The following SLC12A1 variants were observed in gnomAD, a reference collection of about 807,000 sequenced individuals.
The protein encoded by SLC12A1 is solute carrier family 12 member 1.
In SLC12A1, 89 loss-of-function variants were observed where a neutral mutation model predicts 130.4. The observed-to-expected ratio is 0.68, with a 90% confidence interval of 0.58 to 0.81. The LOEUF is 0.81. Among genes scored for constraint, SLC12A1 ranks in the 40% least tolerant of loss-of-function variants. The pLI is 0.00. For missense variants in SLC12A1, 1,310 were observed against 1,336.4 expected, an observed-to-expected ratio of 0.98 and a Z score of 0.31; for synonymous variants, 499 against 460.0, an observed-to-expected ratio of 1.08 and a Z score of -1.09.
At chr15:48,292,672 G>C (rs1391874392) in intron 24 of SLC12A1, among the ~76,000 whole-genome samples, 2 of 152,090 alleles carry the variant, frequency 1.3e-5, no homozygotes. Context: ...CCCTCTTCCT[G>C]GTATGTAGAT....
intron 17 of SLC12A1, among the ~76,000 whole-genome samples, chr15:48,260,351 C>CACAG (rs1227703837): frequency 1.4e-5 from 1 of 74,020 alleles, no homozygotes; most frequent in Non-Finnish European, 2.3e-5. Context: ...CTCTCTATCA[C>CACAG]ACACACACAC....
Position 48,303,421 on chromosome 15 carries a change from T to C in SLC12A1, c.*536T>C, listed in dbSNP as rs528402339. 6.6e-5 allele frequency: 10 copies of C among 152,302 alleles called. No homozygotes were observed. The highest frequency in any genetic ancestry group is 2.4e-4 in the African/African-American group (10 of 41,552). The allele number at this position is 152,302 out of a possible 1,614,324, so 9.4% of individuals were successfully genotyped here. On this transcript the variant is annotated 3_prime_UTR_variant, in exon 27 of 27. Transcript: ENST00000380993. ...CCTCCAAAGCAGATTTAAAAATCAG[T>C]AACTCAAAACTTTAAGAAGTAGTTG... is the stretch of plus-strand genomic sequence containing the variant.
Position 48,246,978 on chromosome 15 carries a change from G to A in SLC12A1, c.1522G>A (p.Ala508Thr), listed in dbSNP as rs765347751. The stretch of plus-strand genomic sequence containing the variant: ...AATCTTTTCTGCAACACTCTCCTCC[G>A]CCCTGGCCTCCCTTGTCAGCGCACC... ...AGIFSATLSS[A>T]LASLVSAPKV... is the part of the protein sequence containing the mutation. The change falls in exon 12 of 27, where the codon GCC becomes ACC. Residue 508 changes from alanine (A) to threonine (T), a missense_variant. Coordinates refer to ENST00000380993, the MANE Select transcript of SLC12A1 (RefSeq NM_000338.3). 2.2e-5 allele frequency: 35 copies of A among 1,613,732 alleles called. No individual in the cohort carries two copies. The highest frequency in any genetic ancestry group is 2.9e-5 in the Non-Finnish European group (34 of 1,179,840).
chr15:48,225,981 A>T, intron 4 of SLC12A1: 1 of 699,592 alleles, frequency 1.4e-6, no homozygotes. Context: ...CATCATTTGT[A>T]AGGTAAAGGC....
At chr15:48,238,575 G>A (rs1051138947) in intron 9 of SLC12A1, among the ~76,000 whole-genome samples, 2 of 152,186 alleles carry the variant, frequency 1.3e-5, no homozygotes, top group Admixed American at 1.3e-4. Context: ...GTGGTCACAA[G>A]CCGGAGGGGC....
chr15:48,268,314 C>T (rs1031715462), intron 18 of SLC12A1, among the ~76,000 whole-genome samples: 1 of 151,926 alleles, frequency 6.6e-6, no homozygotes, highest in African/African-American at 2.4e-5. Flanking sequence ...TTTCCTAGTT[C>T]TGATCGTCAT....
chr15:48,301,363 G>C lies in SLC12A1; in HGVS notation c.3145G>C (p.Ala1049Pro). 1 of 1,594,636 alleles carries C rather than the reference G, an allele frequency of 6.3e-7. No individual in the cohort carries two copies. The highest frequency in any genetic ancestry group is 8.5e-7 in the Non-Finnish European group (1 of 1,169,844). Residue 1049 changes from alanine (A) to proline (P), a missense_variant, in exon 26 of 27, where the codon GCT becomes CCT. By Grantham distance (27) the Ala-to-Pro change is conservative. Coordinates refer to ENST00000380993, the MANE Select transcript of SLC12A1 (RefSeq NM_000338.3). ...TGAACTCTTACAGGAGCACTCCAGA[G>C]CTGCTAATCTCATTGTCCTGTAAGT... ...LNELLQEHSR[A>P]ANLIVLSLPV...
rs759177925 is a variant in SLC12A1 at position 48,208,022 on chromosome 15, T to G, written c.303T>G (p.Phe101Leu). 3 of 1,613,978 alleles carry G rather than the reference T, an allele frequency of 1.9e-6. No individual in the cohort carries two copies. Among genetic ancestry groups the G allele is most frequent in the Non-Finnish European group, 2.5e-6 (3 of 1,179,884 alleles). ...CAAACACATACTATCTACAAACTTTTGGCCACAACACCATGGATGCCGTTC... is the reference window on the plus strand; with the variant it reads ...CAAACACATACTATCTACAAACTTTGGGCCACAACACCATGGATGCCGTTC... ...SHTNTYYLQT[F>L]GHNTMDAVPK... The change falls in exon 2 of 27, where the codon TTT (phenylalanine) becomes TTG (leucine). Residue 101 changes from phenylalanine to leucine, a missense_variant. Phe to Leu is a conservative substitution (Grantham distance 22). Transcript: ENST00000380993.
At chr15:48,258,751 A>C (rs1479586797) in intron 16 of SLC12A1, among the ~76,000 whole-genome samples, 1 of 152,188 alleles carries the variant, frequency 6.6e-6, no homozygotes, top group Non-Finnish European at 1.5e-5. Flanking sequence ...AAGACTGGGT[A>C]ATTTTTCAAG....
chr15:48,302,965 C>A lies in SLC12A1; in HGVS notation c.*80C>A. The A allele has an allele frequency of 9.0e-7, 1 of 1,116,928 alleles. No homozygotes were observed. The highest frequency in any genetic ancestry group is 1.3e-6 in the Non-Finnish European group (1 of 772,882). The allele number at this position is 1,116,928 out of a possible 1,614,324, so 69.2% of individuals were successfully genotyped here. ...TGTTCCAGTACTTTATGTTGTAAAT[C>A]TGATCTATGGATATGCAAACCTCTG... On this transcript the variant is annotated 3_prime_UTR_variant, in exon 27 of 27. Coordinates refer to ENST00000380993, the MANE Select transcript of SLC12A1 (RefSeq NM_000338.3).
intron 18 of SLC12A1, among the ~76,000 whole-genome samples, 159 bp from the exon 19 acceptor site, chr15:48,269,499 T>C (rs528507267): frequency 6.6e-6 from 1 of 152,374 alleles, no homozygotes; most frequent in African/African-American, 2.4e-5. Context: ...TTCCATTTTA[T>C]GCTTGGGTAC....
intron 2 of SLC12A1, among the ~76,000 whole-genome samples, chr15:48,220,283 T>A (rs1246081174): frequency 6.6e-6 from 1 of 152,034 alleles, no homozygotes; most frequent in East Asian, 1.9e-4. Context: ...CAAAGACCCT[T>A]ATTTACTCTG....
At chr15:48,271,022 C>A (rs1051979517) in intron 19 of SLC12A1, among the ~76,000 whole-genome samples, 8 of 150,292 alleles carry the variant, frequency 5.3e-5, no homozygotes, top group African/African-American at 2.0e-4. Flanking sequence ...TCAGGAGTTC[C>A]AGACCAGCCT....
chr15:48,256,074 G>T (rs1287105502), intron 16 of SLC12A1, among the ~76,000 whole-genome samples, 164 bp downstream of exon 16: 1 of 152,164 alleles, frequency 6.6e-6, no homozygotes, highest in Non-Finnish European at 1.5e-5. Context: ...TCCTGTAAGT[G>T]AGTGCTTCTT....
chr15:48,249,459 C>T (rs1318889597), intron 13 of SLC12A1, 116 bp from the exon 14 acceptor site: 2 of 796,610 alleles, frequency 2.5e-6, no homozygotes, highest in Non-Finnish European at 2.2e-6. Flanking sequence ...TAAACTTTGA[C>T]AGATGCTCGC....
chr15:48,209,848 C>G (rs887177601), intron 2 of SLC12A1, among the ~76,000 whole-genome samples: 1 of 152,162 alleles, frequency 6.6e-6, no homozygotes, highest in African/African-American at 2.4e-5. Flanking sequence ...TCCTTGTCCC[C>G]TTTCCCCACC....
In SLC12A1 at chr15:48,302,731, T is replaced by C. The variant is rs1349787303; in HGVS notation, c.3165-19T>C. 6.3e-7 allele frequency: 1 copy of C among 1,581,938 alleles called. No homozygotes were observed. Among genetic ancestry groups the C allele is most frequent in the African/African-American group, 1.4e-5 (1 of 73,722 alleles). Reference sequence around the variant, plus strand: ...GTAATTTTCACTTTCATTTTTAAATTTTTCCTTCATGTCATTAGGAGCCTT... The same window carrying C: ...GTAATTTTCACTTTCATTTTTAAATCTTTCCTTCATGTCATTAGGAGCCTT... On this transcript the variant is annotated intron_variant, in intron 26 of 26. Transcript: ENST00000380993.
rs888997600 is a variant in SLC12A1 at position 48,258,217 on chromosome 15, C to T, written c.2043-983C>T. ...TCTACTAAAAATACAAAAAATTAGC[C>T]GGGCGTAGTGGCGGGCGCCTGTAGT... On this transcript the variant is annotated intron_variant, in intron 16 of 26. Transcript: ENST00000380993. 2.3e-4 allele frequency among the ~76,000 whole-genome samples: 25 copies of T among 109,972 alleles called. 7 individuals are homozygous for T. Among genetic ancestry groups the T allele is most frequent in the Admixed American group, 9.3e-4 (11 of 11,802 alleles). 72.1% of individuals were successfully genotyped at this position (109,972 alleles called of 152,430 possible).
chr15:48,267,633 A>C lies in SLC12A1; in HGVS notation c.2227A>C (p.Lys743Gln), dbSNP rs146205188. 6 of 1,613,590 alleles carry C rather than the reference A, an allele frequency of 3.7e-6. No individual in the cohort carries two copies. The highest frequency in any genetic ancestry group is 5.1e-6 in the Non-Finnish European group (6 of 1,179,676). The change falls in exon 18 of 27, where the codon AAA (lysine) becomes CAA (glutamine). Residue 743 changes from lysine to glutamine, a missense_variant. Transcript: ENST00000380993. ...AKKQAWLIKN[K>Q]IKAFYAAVAA... ...AAAACAGGCCTGGCTTATAAAGAAC[A>C]AAATCAAGGCTTTTTATGCTGCAGT...
Sources: allele counts gnomAD v4.1 joint callset (sites outside exome capture counted in the v4.1 genomes callset), GRCh38; gene constraint gnomAD v4.1.1; transcripts MANE v1.5; gene names NCBI Gene and HGNC (gene_info 2026-07-23, HGNC 2026-07-21).